Variants in EPM2A observed in about 807,000 individuals in gnomAD.
EPM2A encodes the protein laforin.
A neutral mutation model predicts 26.5 loss-of-function variants in EPM2A; 21 were observed. That is an observed-to-expected ratio of 0.79 (90% CI 0.56 to 1.14). The LOEUF (loss-of-function observed/expected upper bound fraction) is 1.14. EPM2A is among the 50% of genes most tolerant of loss of function. The pLI, the probability that EPM2A is intolerant of heterozygous loss-of-function variation, is 0.00. For synonymous variants in EPM2A, 217 were observed against 177.6 expected (o/e 1.22, Z -1.76); for missense variants, 458 against 440.8 (o/e 1.04, Z -0.35).
intron 4 of EPM2A, among the ~76,000 whole-genome samples, chr6:145,454,887 C>T (rs369380487): frequency 6.6e-6 from 1 of 151,834 alleles, no homozygotes; most frequent in Non-Finnish European, 1.5e-5. Context: ...CCTTTGACCT[C>T]GGTGAAATTA....
chr6:145,486,492 A>G (rs1296978522), intron 4 of EPM2A, among the ~76,000 whole-genome samples: 3 of 152,090 alleles, frequency 2.0e-5, no homozygotes, highest in Non-Finnish European at 4.4e-5. Flanking sequence ...AATATCCCTA[A>G]TACAATACAC....
At chr6:145,634,245 A>AT (rs1776480521) in intron 3 of EPM2A, among the ~76,000 whole-genome samples, 1 of 152,182 alleles carries the variant, frequency 6.6e-6, no homozygotes, top group South Asian at 2.1e-4. Flanking sequence ...TGCCGACTGT[A>AT]GTTATCTCTA....
At chr6:145,588,177 C>T (rs951628896) in intron 2 of EPM2A, among the ~76,000 whole-genome samples, 6 of 152,130 alleles carry the variant, frequency 3.9e-5, no homozygotes, top group African/African-American at 1.4e-4. Flanking sequence ...TTGTAAACCT[C>T]ATTGAATATG....
At chr6:145,392,551 A>T (rs1778351919) in intron 4 of EPM2A, among the ~76,000 whole-genome samples, 1 of 151,842 alleles carries the variant, frequency 6.6e-6, no homozygotes, top group Non-Finnish European at 1.5e-5. Flanking sequence ...ACACCCCTCC[A>T]ACCCTTCTCC....
intron 2 of EPM2A, among the ~76,000 whole-genome samples, chr6:145,551,098 T>G (rs1029765467): frequency 1.3e-5 from 2 of 152,034 alleles, no homozygotes; most frequent in African/African-American, 4.8e-5. Flanking sequence ...GAAGTCTGAG[T>G]AAAATATGGT....
At chr6:145,490,085 C>T (rs148642835) in intron 4 of EPM2A, 27,024 of 1,277,498 alleles carry the variant, frequency 0.021, 524 homozygotes, top group Admixed American at 0.049. Flanking sequence ...TGGTAGCACA[C>T]GCACCTTCCC....
chr6:145,601,068 A>G (rs1269232662), intron 2 of EPM2A, among the ~76,000 whole-genome samples: 1 of 152,186 alleles, frequency 6.6e-6, no homozygotes, highest in African/African-American at 2.4e-5. Flanking sequence ...GGCTGCTACC[A>G]TATCTGTTAT....
chr6:145,626,733 TA>T lies in EPM2A; in HGVS notation c.*682del. On this transcript the variant is annotated 3_prime_UTR_variant, in exon 4 of 4. Coordinates refer to ENST00000367519, the MANE Select transcript of EPM2A (RefSeq NM_005670.4). ...ATTTAACTTCTTGACATCTCAACTA[TA>T]AAAAACAAGGGTATTTTTTGCTTTG... The T allele has an allele frequency of 1.2e-5, 12 of 986,232 alleles. No individual in the cohort carries two copies. Among genetic ancestry groups the T allele is most frequent in the Non-Finnish European group, 1.4e-5 (12 of 830,522 alleles). The allele number at this position is 986,232 out of a possible 1,614,324, so 61.1% of individuals were successfully genotyped here.
At chr6:145,580,175 C>T (rs1160695923) in intron 2 of EPM2A, among the ~76,000 whole-genome samples, 2 of 152,136 alleles carry the variant, frequency 1.3e-5, no homozygotes, top group African/African-American at 4.8e-5. Context: ...CATCTGGTAT[C>T]ATTGACCTTC....
chr6:145,679,756 C>A (rs1780358930), intron 2 of EPM2A, among the ~76,000 whole-genome samples: 1 of 152,246 alleles, frequency 6.6e-6, no homozygotes, highest in Non-Finnish European at 1.5e-5. Context: ...AACAAAAACA[C>A]TTGAACATAA....
chr6:145,453,019 T>G (rs1264895406), intron 4 of EPM2A, among the ~76,000 whole-genome samples: 4 of 152,192 alleles, frequency 2.6e-5, no homozygotes, highest in Non-Finnish European at 4.4e-5. Flanking sequence ...TTCCAAGCTT[T>G]TTGTATATTG....
intron 4 of EPM2A, among the ~76,000 whole-genome samples, chr6:145,438,312 T>C (rs566642911): frequency 5.3e-4 from 81 of 152,176 alleles, no homozygotes; most frequent in Non-Finnish European, 1.6e-4. Flanking sequence ...ATTCTCCCTG[T>C]CCTGCTAACT....
At chr6:145,529,419 C>T (rs1299994234) in intron 2 of EPM2A, among the ~76,000 whole-genome samples, 1 of 152,134 alleles carries the variant, frequency 6.6e-6, no homozygotes, top group Non-Finnish European at 1.5e-5. Context: ...GCAATCACTA[C>T]CCTGCTTATT....
At chr6:145,707,728 T>G (rs752686953) in intron 1 of EPM2A, among the ~76,000 whole-genome samples, 2 of 152,206 alleles carry the variant, frequency 1.3e-5, no homozygotes, top group Non-Finnish European at 2.9e-5. Flanking sequence ...CTTCCTTCCT[T>G]TTGTTATAAA....
At position 145,735,477 on chromosome 6, in the gene EPM2A, C is replaced by A; in HGVS notation, c.22G>T (p.Val8Leu). The stretch of plus-strand genomic sequence containing the variant: ...GCGCCGGCCACGGCGGGTGGCACCA[C>A]CACCCCAAAGCGGAAGCGCATGGCG... Reference protein sequence around the residue: MRFRFGVVVPPAVAGARP... With the variant: MRFRFGVLVPPAVAGARP... Residue 8 changes from valine to leucine, a missense_variant, in exon 1 of 4, where the codon GTG (valine) becomes TTG (leucine). Val to Leu is a conservative substitution (Grantham distance 32). Transcript: ENST00000367519. 1 of 1,212,318 alleles carries A rather than the reference C, an allele frequency of 8.2e-7. No individual in the cohort carries two copies. The highest frequency in any genetic ancestry group is 1.0e-6 in the Non-Finnish European group (1 of 975,832). The allele number at this position is 1,212,318 out of a possible 1,614,324, so 75.1% of individuals were successfully genotyped here.
At chr6:145,665,972 T>C (rs1490250587) in intron 2 of EPM2A, among the ~76,000 whole-genome samples, 2 of 148,362 alleles carry the variant, frequency 1.3e-5, no homozygotes. Flanking sequence ...CAACCCTTCA[T>C]GCTAAAAACT....
At chr6:145,588,188 G>T (rs1781223179) in intron 2 of EPM2A, among the ~76,000 whole-genome samples, 1 of 152,050 alleles carries the variant, frequency 6.6e-6, no homozygotes, top group Non-Finnish European at 1.5e-5. Flanking sequence ...ATTGAATATG[G>T]TATTGATATG....
intron 2 of EPM2A, among the ~76,000 whole-genome samples, chr6:145,672,583 A>C (rs1779726627): frequency 6.6e-6 from 1 of 152,224 alleles, no homozygotes; most frequent in South Asian, 2.1e-4. Flanking sequence ...CAGATGCCAG[A>C]TTCACTTTTA....
In EPM2A at chr6:145,646,384, G is replaced by A. The variant is rs148547553; in HGVS notation, c.477-10898C>T. Among the ~76,000 whole-genome samples the A allele has an allele frequency of 1.8e-3, 267 of 151,374 alleles. 1 individual carries two copies. Among genetic ancestry groups the A allele is most frequent in the African/African-American group, 6.2e-3 (254 of 41,242 alleles). ...GTAGAGATGGGTTTTCACCATGTTG[G>A]CCAGGCTGGTCTCGAATTCCTGACC... On this transcript the variant is annotated intron_variant, in intron 2 of 3. Coordinates refer to ENST00000367519, the MANE Select transcript of EPM2A (RefSeq NM_005670.4).
Sources: gnomAD v4.1 joint callset for allele counts (sites outside exome capture counted in the v4.1 genomes callset) on GRCh38, gnomAD v4.1.1 for gene constraint, MANE v1.5 for transcripts, NCBI Gene and HGNC (gene_info 2026-07-23, HGNC 2026-07-21) for gene names.